Variants in SSH2 observed in about 807,000 individuals in gnomAD.
SSH2 encodes slingshot protein phosphatase 2.
In SSH2, 37 loss-of-function variants were observed where a neutral mutation model predicts 135.2. The ratio of observed to expected loss-of-function variants is 0.27; its 90% CI spans 0.21 to 0.36. The LOEUF is 0.36. SSH2 is among the 10% of genes least tolerant of loss of function. The probability of loss-of-function intolerance (pLI) is 1.00; values close to 1 mark genes in which losing one functional copy is unlikely to be tolerated. For missense variants in SSH2, 1,408 were observed against 1,765.3 expected (o/e 0.80, Z 3.63); for synonymous variants, 628 against 646.2 (o/e 0.97, Z 0.43).
Position 29,639,279 on chromosome 17 carries a change from G to A in SSH2, c.1428-2477C>T, listed in dbSNP as rs147067944. The stretch of plus-strand genomic sequence containing the variant: ...CCAAAACCCCAGCCAAAAAGAGAAC[G>A]GTGGCCCTTTTGTTGGTCAGGTTCA... On this transcript the variant is annotated intron_variant, in intron 14 of 15. Coordinates refer to ENST00000540801, the MANE Select transcript of SSH2 (RefSeq NM_001282129.2). 3.1e-4 allele frequency among the ~76,000 whole-genome samples: 47 copies of A among 152,190 alleles called. No individual in the cohort carries two copies. In the East Asian group the frequency reaches 7.5e-3, roughly 24 times the overall value.
intron 2 of SSH2, among the ~76,000 whole-genome samples, chr17:29,815,848 A>AT (rs1313215231): frequency 2.0e-5 from 3 of 150,604 alleles, no homozygotes; most frequent in South Asian, 2.1e-4. Flanking sequence ...TTTATTTTTT[A>AT]TTTTTTTTCT....
At chr17:29,787,077 A>G (rs913001955) in intron 3 of SSH2, among the ~76,000 whole-genome samples, 4 of 152,156 alleles carry the variant, frequency 2.6e-5, no homozygotes, top group Non-Finnish European at 2.9e-5. Context: ...CACCACCACT[A>G]TCCATTTCTA....
intron 3 of SSH2, among the ~76,000 whole-genome samples, chr17:29,714,648 AT>A (rs67015017): frequency 0.56 from 84,892 of 151,828 alleles, 24,129 homozygotes; most frequent in East Asian, 0.69. Flanking sequence ...TTGTCTCAAA[AT>A]TTTCTCATCC....
In SSH2 at chr17:29,671,927, T is replaced by C; in HGVS notation, c.809+8A>G. 1 of 1,609,126 alleles carries C rather than the reference T, an allele frequency of 6.2e-7. No individual in the cohort carries two copies. Among genetic ancestry groups the C allele is most frequent in the South Asian group, 1.1e-5 (1 of 90,600 alleles). ...AGAACTTCCATAATCCTTAGCAAAC[T>C]GACTTACATGTCGGTGAAGAGAGCT... On this transcript the variant is annotated splice_region_variant and intron_variant, in intron 9 of 15. Coordinates refer to ENST00000540801, the MANE Select transcript of SSH2 (RefSeq NM_001282129.2).
At chr17:29,718,727 C>T (rs572629132) in intron 3 of SSH2, among the ~76,000 whole-genome samples, 73 of 90,154 alleles carry the variant, frequency 8.1e-4, no homozygotes, top group Admixed American at 1.9e-3. Context: ...AGCAAGATTT[C>T]ACCTCAAAAA....
At chr17:29,778,835 CAAAAAAAAAAA>C (rs60595591) in intron 3 of SSH2, among the ~76,000 whole-genome samples, 10 of 37,868 alleles carry the variant, frequency 2.6e-4, no homozygotes, top group African/African-American at 7.8e-4. Context: ...CTCCGTCTCC[CAAAAAAAAAAA>C]AAAAAAAAAA....
At chr17:29,879,041 C>T (rs888415150) in intron 1 of SSH2, among the ~76,000 whole-genome samples, 2 of 152,194 alleles carry the variant, frequency 1.3e-5, no homozygotes, top group Non-Finnish European at 2.9e-5. Context: ...GATTTCCCCT[C>T]ACATCTCATG....
intron 12 of SSH2, among the ~76,000 whole-genome samples, chr17:29,654,769 T>C (rs2036715454): frequency 6.6e-6 from 1 of 152,198 alleles, no homozygotes; most frequent in Admixed American, 6.5e-5. Context: ...GTTTTCTTAA[T>C]ATAAGATAGG....
At chr17:29,873,725 G>C (rs1045553855) in intron 1 of SSH2, among the ~76,000 whole-genome samples, 1 of 152,170 alleles carries the variant, frequency 6.6e-6, no homozygotes, top group African/African-American at 2.4e-5. Context: ...GGCCTGAATA[G>C]AGCAAATTTA....
intron 3 of SSH2, among the ~76,000 whole-genome samples, chr17:29,782,077 C>G (rs2041853811): frequency 6.6e-6 from 1 of 151,908 alleles, no homozygotes; most frequent in Admixed American, 6.6e-5. Context: ...AACTCCTGAC[C>G]TCAGATGATC....
At chr17:29,667,903 A>G (rs927631459) in intron 9 of SSH2, among the ~76,000 whole-genome samples, 3 of 152,248 alleles carry the variant, frequency 2.0e-5, no homozygotes, top group African/African-American at 7.2e-5. Flanking sequence ...TCTCTTAAAA[A>G]TAAAATCACC....
chr17:29,735,246 C>G (rs1173828381), intron 3 of SSH2, among the ~76,000 whole-genome samples: 1 of 152,112 alleles, frequency 6.6e-6, no homozygotes, highest in Non-Finnish European at 1.5e-5. Flanking sequence ...ATAGCCTCCC[C>G]ACTACTACCC....
chr17:29,639,780 C>T (rs1005504246), intron 14 of SSH2: 2 of 152,174 alleles, frequency 1.3e-5, no homozygotes, highest in African/African-American at 4.8e-5. Flanking sequence ...TAGGTGGGGC[C>T]TAAGTTGTAC....
intron 1 of SSH2, among the ~76,000 whole-genome samples, chr17:29,851,015 C>T (rs1311386252): frequency 6.6e-6 from 1 of 152,016 alleles, no homozygotes; most frequent in Non-Finnish European, 1.5e-5. Context: ...AAAATTATTG[C>T]TAAAAATCCT....
intron 3 of SSH2, among the ~76,000 whole-genome samples, chr17:29,726,243 G>C: frequency 6.6e-6 from 1 of 152,210 alleles, no homozygotes; most frequent in South Asian, 2.1e-4. Context: ...GGAGGGAAAA[G>C]AAAGGATGTT....
chr17:29,674,734 T>C (rs2037634412), intron 8 of SSH2, among the ~76,000 whole-genome samples: 1 of 152,178 alleles, frequency 6.6e-6, no homozygotes, highest in Admixed American at 6.5e-5. Context: ...TCGGAAGAAC[T>C]GTCTTGGGCC....
intron 1 of SSH2, among the ~76,000 whole-genome samples, chr17:29,913,107 C>G (rs2066794298): frequency 6.6e-6 from 1 of 150,394 alleles, no homozygotes; most frequent in Non-Finnish European, 1.5e-5. Flanking sequence ...CACCTAAGGT[C>G]GGGAGTTTGA....
In SSH2 at chr17:29,632,619, G is replaced by C; in HGVS notation, c.2575C>G (p.His859Asp). 6.2e-6 allele frequency: 10 copies of C among 1,614,180 alleles called. No individual in the cohort carries two copies. Among genetic ancestry groups the C allele is most frequent in the Non-Finnish European group, 8.5e-6 (10 of 1,180,040 alleles). The part of the protein sequence containing the change: ...MCNPEGCLTT[H>D]SSIADLEEGE... ...TCTTCCAAGTCTGCTATAGATGAGT[G>C]TGTGGTTAGGCAGCCTTCTGGGTTG... The change falls in exon 16 of 16, where the codon CAC (histidine) becomes GAC (aspartate). Residue 859 changes from histidine (H) to aspartate (D), a missense_variant. Coordinates refer to ENST00000540801, the MANE Select transcript of SSH2 (RefSeq NM_001282129.2).
At chr17:29,751,214 G>C (rs766187605) in intron 3 of SSH2, among the ~76,000 whole-genome samples, 1 of 152,100 alleles carries the variant, frequency 6.6e-6, no homozygotes, top group African/African-American at 2.4e-5. Context: ...TCCAGAGTTC[G>C]AGACCAGCCT....
Sources: allele counts gnomAD v4.1 joint callset (sites outside exome capture counted in the v4.1 genomes callset), GRCh38; gene constraint gnomAD v4.1.1; transcripts MANE v1.5; gene names NCBI Gene and HGNC (gene_info 2026-07-23, HGNC 2026-07-21).